STXBP5L: variants seen among roughly 807,000 people sequenced by gnomAD.
The protein encoded by STXBP5L is syntaxin-binding protein 5-like.
Under a neutral mutation model 144.5 loss-of-function variants are expected in STXBP5L, and 65 were observed. The ratio of observed to expected loss-of-function variants is 0.45; its 90% CI spans 0.37 to 0.55. STXBP5L has a LOEUF of 0.55. Ranked by LOEUF, STXBP5L falls within the 20% of genes least tolerant of loss-of-function variation. The pLI is 0.00. For synonymous variants in STXBP5L, 505 were observed against 469.6 expected, an observed-to-expected ratio of 1.08 and a Z score of -0.97; for missense variants, 1,298 against 1,405.5, an observed-to-expected ratio of 0.92 and a Z score of 1.22.
chr3:121,050,165 C>A (rs1043027847), intron 5 of STXBP5L, among the ~76,000 whole-genome samples: 7 of 152,166 alleles, frequency 4.6e-5, no homozygotes, highest in Non-Finnish European at 1.0e-4. Context: ...TGTCCATTCA[C>A]CACTGTTTCT....
rs1353629779 is a variant in STXBP5L, at chr3:121,261,318, G to A, written c.1958+2150G>A. On this transcript the variant is annotated intron_variant, in intron 18 of 26. Coordinates refer to ENST00000471454, the MANE Select transcript of STXBP5L (RefSeq NM_001308330.2). The stretch of plus-strand genomic sequence containing the variant: ...CCACTGCAAAAATCCTAGTTCATGT[G>A]GCTACTAGAGTAAATTCCACCAAGT... Among the ~76,000 whole-genome samples, 3 of 152,004 alleles carry A rather than the reference G, an allele frequency of 2.0e-5. No homozygotes were observed. In the East Asian group the frequency reaches 5.8e-4, roughly 29 times the overall value.
chr3:121,324,466 C>G, intron 20 of STXBP5L: 1 of 668,692 alleles, frequency 1.5e-6, no homozygotes, highest in South Asian at 1.6e-5. Context: ...TACTCCATGC[C>G]AATAGTTTTA....
chr3:121,253,889 GTGAT>G (rs562350326), intron 15 of STXBP5L, among the ~76,000 whole-genome samples: 194 of 150,048 alleles, frequency 1.3e-3, no homozygotes, highest in African/African-American at 4.5e-3. Flanking sequence ...TCCTGACCTG[GTGAT>G]CCGCCCACCT....
chr3:121,198,194 G>A (rs56190943), intron 9 of STXBP5L, among the ~76,000 whole-genome samples: 19,612 of 152,164 alleles, frequency 0.13, 1,482 homozygotes, highest in Middle Eastern at 0.18. Context: ...TCTAACTGGC[G>A]TGAGATGGTA....
intron 9 of STXBP5L, among the ~76,000 whole-genome samples, chr3:121,185,919 C>A (rs920006517): frequency 2.6e-5 from 4 of 152,290 alleles, no homozygotes; most frequent in African/African-American, 9.6e-5. Flanking sequence ...TTGATTCTTC[C>A]TACCCATGAT....
At chr3:121,354,611 GAATACAGCA>G (rs893063811) in intron 20 of STXBP5L, among the ~76,000 whole-genome samples, 3 of 138,866 alleles carry the variant, frequency 2.2e-5, no homozygotes, top group African/African-American at 8.1e-5. Flanking sequence ...TGGGGCTCTT[GAATACAGCA>G]CACTGATGGG....
intron 3 of STXBP5L, among the ~76,000 whole-genome samples, chr3:120,994,449 T>G (rs2107993218): frequency 6.6e-6 from 1 of 152,262 alleles, no homozygotes; most frequent in South Asian, 2.1e-4. Context: ...TTTTTCATGT[T>G]AAGGTATGTT....
rs115607472 is a variant in STXBP5L, at chr3:121,138,661, G to A, written c.670-13816G>A. ...GTGCCAAAAGCTTGCAATAAAGAAA[G>A]GAAAGTCTCCTTAATAAATAATATT... On this transcript the variant is annotated intron_variant, in intron 7 of 26. Coordinates refer to ENST00000471454, the MANE Select transcript of STXBP5L (RefSeq NM_001308330.2). Among the ~76,000 whole-genome samples, 1,335 of 152,040 alleles carry A rather than the reference G, an allele frequency of 8.8e-3. 6 individuals carry two copies. Among genetic ancestry groups the A allele is most frequent in the Non-Finnish European group, 0.014 (925 of 67,930 alleles).
At chr3:120,967,581 T>G (rs889459149) in intron 3 of STXBP5L, among the ~76,000 whole-genome samples, 2 of 152,218 alleles carry the variant, frequency 1.3e-5, no homozygotes, top group Admixed American at 1.3e-4. Flanking sequence ...TGATATTTGT[T>G]TAGTCTCAAT....
intron 3 of STXBP5L, among the ~76,000 whole-genome samples, chr3:121,003,303 C>G (rs1323155346): frequency 6.7e-6 from 1 of 149,022 alleles, no homozygotes; most frequent in Non-Finnish European, 1.5e-5. Context: ...TCTCTGATGG[C>G]CAGTGATGAT....
At chr3:121,319,082 G>A (rs1434792527) in intron 20 of STXBP5L, among the ~76,000 whole-genome samples, 2 of 152,026 alleles carry the variant, frequency 1.3e-5, no homozygotes, top group Admixed American at 6.6e-5. Flanking sequence ...AATCTTTAAG[G>A]TACTGTCTGT....
chr3:121,369,614 C>T (rs188995184), intron 20 of STXBP5L, among the ~76,000 whole-genome samples: 9 of 152,132 alleles, frequency 5.9e-5, no homozygotes, highest in Admixed American at 1.3e-4. Flanking sequence ...TCTGCAGTCA[C>T]TTCCTCCAGT....
chr3:121,045,408 A>T (rs1296483850), intron 4 of STXBP5L, 27 bp from the exon 5 acceptor site: 4 of 1,583,292 alleles, frequency 2.5e-6, no homozygotes, highest in Non-Finnish European at 3.4e-6. Flanking sequence ...TAAATCACAC[A>T]CTTACTTTAT....
chr3:121,085,145 A>G (rs1207965311), intron 5 of STXBP5L, among the ~76,000 whole-genome samples: 1 of 151,832 alleles, frequency 6.6e-6, no homozygotes, highest in African/African-American at 2.4e-5. Flanking sequence ...AATTGCAAAA[A>G]TTTTCTCCCA....
intron 15 of STXBP5L, among the ~76,000 whole-genome samples, chr3:121,251,664 A>G (rs2050029130): frequency 6.6e-6 from 1 of 152,196 alleles, no homozygotes; most frequent in Non-Finnish European, 1.5e-5. Flanking sequence ...CCAGCAGGTA[A>G]GGAGAACAGT....
At chr3:121,031,722 C>T (rs1946382561) in intron 3 of STXBP5L, among the ~76,000 whole-genome samples, 1 of 152,020 alleles carries the variant, frequency 6.6e-6, no homozygotes, top group South Asian at 2.1e-4. Context: ...AAACTGGGTA[C>T]CTAAGTGGAC....
intron 3 of STXBP5L, among the ~76,000 whole-genome samples, chr3:121,005,780 T>G (rs1348593648): frequency 6.6e-6 from 1 of 152,232 alleles, no homozygotes; most frequent in Non-Finnish European, 1.5e-5. Context: ...TCAAAGAACA[T>G]CTTTATTTCT....
rs374346914 is a variant in STXBP5L at position 121,347,162 on chromosome 3, T to C, written c.2176+28622T>C. On this transcript the variant is annotated intron_variant, in intron 20 of 26. Transcript: ENST00000471454. ...TAAGGAAGGGATCTAGTTTCAGCTTTCTACATATGGCTAGCCAGTTTTCCC... is the reference window on the plus strand; with the variant it reads ...TAAGGAAGGGATCTAGTTTCAGCTTCCTACATATGGCTAGCCAGTTTTCCC... Among the ~76,000 whole-genome samples, 8 of 152,366 alleles carry C rather than the reference T, an allele frequency of 5.3e-5. No individual in the cohort carries two copies. The East Asian group carries it at 1.2e-3, about 22-fold the overall frequency.
At chr3:121,091,409 T>C (rs2042785806) in intron 5 of STXBP5L, among the ~76,000 whole-genome samples, 1 of 151,546 alleles carries the variant, frequency 6.6e-6, no homozygotes, top group Admixed American at 6.6e-5. Flanking sequence ...TGTAAAAGTG[T>C]TCCTATTTCT....
Sources: allele counts gnomAD v4.1 joint callset (sites outside exome capture counted in the v4.1 genomes callset), GRCh38; gene constraint gnomAD v4.1.1; transcripts MANE v1.5; gene names NCBI Gene and HGNC (gene_info 2026-07-23, HGNC 2026-07-21).